Variants in PROM2 observed in about 807,000 individuals in gnomAD.
PROM2 encodes prominin 2.
In PROM2, 90 loss-of-function variants were observed where a neutral mutation model predicts 110.2. That is an observed-to-expected ratio of 0.82 (90% confidence interval 0.69 to 0.97). The LOEUF is 0.97. Ranked by LOEUF, PROM2 falls within the 50% of genes least tolerant of loss-of-function variation. PROM2 has a pLI of 0.00. For missense variants in PROM2, 1,009 were observed against 1,074.8 expected (o/e 0.94, Z 0.86); for synonymous variants, 470 against 467.8 (o/e 1.00, Z -0.06).
rs1677401943 is a variant in PROM2, at chr2:95,287,007, G to T, written c.2095-126G>T. The T allele has an allele frequency of 1.3e-5, 16 of 1,251,402 alleles. 1 individual carries two copies. The South Asian group carries it at 1.9e-4, about 15-fold the overall frequency. The allele number at this position is 1,251,402 out of a possible 1,614,324, so 77.5% of individuals were successfully genotyped here. On this transcript the variant is annotated intron_variant, in intron 18 of 23. Coordinates refer to ENST00000317620, the MANE Select transcript of PROM2 (RefSeq NM_001165978.3). ...ATGGGGGTGGCAGCAGAGCCTGGGG[G>T]ATCACCACCCTTGGCTTGTCTGTTG...
Position 95,275,844 on chromosome 2 carries a change from C to A in PROM2, c.295-86C>A. 1.9e-6 allele frequency: 3 copies of A among 1,539,094 alleles called. No homozygotes were observed. Among genetic ancestry groups the A allele is most frequent in the Non-Finnish European group, 2.6e-6 (3 of 1,146,056 alleles). On this transcript the variant is annotated intron_variant, in intron 2 of 23. Transcript: ENST00000317620. The surrounding 1 kb of genome is among the most constrained non-coding windows in gnomAD (Gnocchi z 4.4). ...CCATGCCCCTGACGGCACTCCCGCC[C>A]CTTCTGGTTTCCCTCTGGACTCAGG... is the stretch of plus-strand genomic sequence containing the variant.
At position 95,275,082 on chromosome 2, in the gene PROM2, T is replaced by C. The variant is rs1573442391; in HGVS notation, c.244+253T>C. On this transcript the variant is annotated intron_variant, in intron 1 of 23. Coordinates refer to ENST00000317620, the MANE Select transcript of PROM2 (RefSeq NM_001165978.3). The surrounding 1 kb of genome is among the most constrained non-coding windows in gnomAD (Gnocchi z 4.4). ...ACATTGGAAATACATTAGACCTGAC[T>C]CAGACATCCTCTTAGTCTATCGGTG... 2.3e-5 allele frequency: 11 copies of C among 487,026 alleles called. No individual in the cohort carries two copies. The highest frequency in any genetic ancestry group is 5.1e-4 in the Middle Eastern group (1 of 1,948). 30.2% of individuals were successfully genotyped at this position (487,026 alleles called of 1,614,324 possible).
Position 95,281,918 on chromosome 2 carries a change from T to A in PROM2, c.1552-7T>A, listed in dbSNP as rs1558745702. 6.2e-7 allele frequency: 1 copy of A among 1,612,210 alleles called. No individual in the cohort carries two copies. Among genetic ancestry groups the A allele is most frequent in the Non-Finnish European group, 8.5e-7 (1 of 1,178,448 alleles). On this transcript the variant is annotated splice_polypyrimidine_tract_variant and splice_region_variant and intron_variant, in intron 12 of 23. Coordinates refer to ENST00000317620, the MANE Select transcript of PROM2 (RefSeq NM_001165978.3). Reference sequence around the variant, plus strand: ...TCTGTGCCCATTTCTCACTGCCCCATCCCCAGTTTGCAGACACCCCAGGGA... The same window carrying A: ...TCTGTGCCCATTTCTCACTGCCCCAACCCCAGTTTGCAGACACCCCAGGGA...
intron 14 of PROM2, 25 bp downstream of exon 14, chr2:95,282,251 G>A (rs1005476242): frequency 1.3e-6 from 2 of 1,581,942 alleles, no homozygotes; most frequent in Non-Finnish European, 1.7e-6. Context: ...TGGAAACTGT[G>A]AGGAGCCCTC....
chr2:95,277,725 C>T, intron 7 of PROM2, 159 bp downstream of exon 7: 1 of 811,110 alleles, frequency 1.2e-6, no homozygotes, highest in Non-Finnish European at 1.9e-6. Flanking sequence ...TGGAGTGCTC[C>T]CCAGGCCACG....
chr2:95,281,183 G>C, intron 11 of PROM2, 59 bp from the exon 12 acceptor site: 19 of 1,589,374 alleles, frequency 1.2e-5, no homozygotes, highest in Non-Finnish European at 1.6e-5. Context: ...TGGGACAGAG[G>C]GTATGGTCAG....
Position 95,287,452 on chromosome 2 carries a change from G to T in PROM2, c.2232G>T (p.Trp744Cys), listed in dbSNP as rs1024997779. The T allele has an allele frequency of 6.2e-7, 1 of 1,613,872 alleles. No homozygotes were observed. The highest frequency in any genetic ancestry group is 8.5e-7 in the Non-Finnish European group (1 of 1,180,004). ...EMGYFSQYVA[W>C]VREEVTQRIA... is the part of the protein sequence containing the mutation. ...GCTACTTCTCCCAGTACGTGGCCTG[G>T]GTGAGAGAGGAGGTGAGTGGGGCCT... Residue 744 changes from tryptophan to cysteine, a missense_variant, in exon 20 of 24, where the codon TGG becomes TGT. Physicochemically the swap from Trp to Cys is radical, Grantham distance 215. Transcript: ENST00000317620.
rs201776307 is a variant in PROM2, at chr2:95,275,501, G to A, written c.285G>A (p.Lys95=). 13 of 1,613,770 alleles carry A rather than the reference G, an allele frequency of 8.1e-6. No individual in the cohort carries two copies. The highest frequency in any genetic ancestry group is 1.1e-5 in the Non-Finnish European group (13 of 1,179,892). ...KALLNELASV[K]VNEVVRYEAG... is the part of the protein sequence containing the mutation. The stretch of plus-strand genomic sequence containing the variant: ...TACTGAATGAGCTGGCCTCCGTGAA[G>A]GTGAATGAGGTGAGCAAGCTGGGGA... The change falls in exon 2 of 24, where the codon AAG becomes AAA. Residue 95 remains lysine (K), a synonymous_variant. Coordinates refer to ENST00000317620, the MANE Select transcript of PROM2 (RefSeq NM_001165978.3). The surrounding 1 kb of genome is among the most constrained non-coding windows in gnomAD (Gnocchi z 4.4).
intron 10 of PROM2, among the ~76,000 whole-genome samples, chr2:95,279,528 C>T (rs1162292746): frequency 6.6e-6 from 1 of 152,146 alleles, no homozygotes. Flanking sequence ...ATCTCTTGAC[C>T]TTGTGATCCA....
At position 95,274,557 on chromosome 2, in the gene PROM2, G is replaced by C. The variant is rs369181633; in HGVS notation, c.-29G>C. ...GCCCTGGGCTTGTCTGTTCCCTCCT[G>C]AGCCTGAGCCCCTTACCTTCCTGAC... On this transcript the variant is annotated 5_prime_UTR_variant, in exon 1 of 24. Transcript: ENST00000317620. 3 of 1,541,358 alleles carry C rather than the reference G, an allele frequency of 1.9e-6. No homozygotes were observed. The highest frequency in any genetic ancestry group is 2.7e-5 in the African/African-American group (2 of 72,910).
At chr2:95,286,686 C>G in intron 17 of PROM2, 115 bp downstream of exon 17, 1 of 605,024 alleles carries the variant, frequency 1.7e-6, no homozygotes, top group East Asian at 3.1e-5. Flanking sequence ...CTCCCCTCCT[C>G]TCCCCTCCTC....
At chr2:95,285,293 A>G (rs1305304735) in intron 15 of PROM2, among the ~76,000 whole-genome samples, 178 bp downstream of exon 15, 8 of 152,006 alleles carry the variant, frequency 5.3e-5, no homozygotes, top group Non-Finnish European at 1.2e-4. Context: ...TCCTCCTGCC[A>G]CCACCCCGGT....
chr2:95,277,683 C>T (rs1676756955), intron 7 of PROM2, 117 bp downstream of exon 7: 1 of 1,097,940 alleles, frequency 9.1e-7, no homozygotes, highest in Non-Finnish European at 1.3e-6. Flanking sequence ...CTCCACCCAC[C>T]CAGGGTTAAT....
In PROM2 at chr2:95,276,188, T is replaced by A; in HGVS notation, c.498-39T>A. Reference sequence around the variant, plus strand: ...GGGCTGTGGCCCCCAGGCTCCCTCTTACCCAGCAAGCACCTTCCTCCTCCC... The same window carrying A: ...GGGCTGTGGCCCCCAGGCTCCCTCTAACCCAGCAAGCACCTTCCTCCTCCC... On this transcript the variant is annotated intron_variant, in intron 3 of 23. Coordinates refer to ENST00000317620, the MANE Select transcript of PROM2 (RefSeq NM_001165978.3). The surrounding 1 kb of genome is among the most constrained non-coding windows in gnomAD (Gnocchi z 4.6). 14 of 1,613,428 alleles carry A rather than the reference T, an allele frequency of 8.7e-6. No individual in the cohort carries two copies. The highest frequency in any genetic ancestry group is 1.1e-5 in the Non-Finnish European group (13 of 1,179,714).
rs2104573249 is a variant in PROM2, at chr2:95,276,930, A to T, written c.683-42A>T. The T allele has an allele frequency of 2.0e-6, 3 of 1,534,190 alleles. No homozygotes were observed. The highest frequency in any genetic ancestry group is 1.7e-4 in the Middle Eastern group (1 of 5,914). ...GGATGGGAATGGGGAGGGCCCCTCC[A>T]CTCTTGGGGTCCCACCCTGCAGACT... On this transcript the variant is annotated intron_variant, in intron 5 of 23. Coordinates refer to ENST00000317620, the MANE Select transcript of PROM2 (RefSeq NM_001165978.3). The surrounding 1 kb of genome is among the most constrained non-coding windows in gnomAD (Gnocchi z 4.6).
In PROM2 at chr2:95,277,942, G is replaced by T; in HGVS notation, c.988G>T (p.Asp330Tyr). 6.2e-7 allele frequency: 1 copy of T among 1,612,366 alleles called. No individual in the cohort carries two copies. The highest frequency in any genetic ancestry group is 8.5e-7 in the Non-Finnish European group (1 of 1,179,526). Reference sequence around the variant, plus strand: ...TCCCCCATTTCAGGTGCCCTCTGTGGACCATGTCCTGCACCAGCTAAAAGG... The same window carrying T: ...TCCCCCATTTCAGGTGCCCTCTGTGTACCATGTCCTGCACCAGCTAAAAGG... ...GADFSQVPSV[D>Y]HVLHQLKGVP... Residue 330 changes from aspartate (D) to tyrosine (Y), a missense_variant, in exon 8 of 24, where the codon GAC becomes TAC. By Grantham distance (160) the Asp-to-Tyr change is radical (BLOSUM62 -3). Transcript: ENST00000317620.
chr2:95,277,421 AG>A lies in PROM2; in HGVS notation c.832del (p.Ala278ProfsTer34). On this transcript the variant is annotated frameshift_variant, in exon 7 of 24. Coordinates refer to ENST00000317620, the MANE Select transcript of PROM2 (RefSeq NM_001165978.3). LOFTEE classifies it high-confidence loss of function. ...QTLNATVVEL[Q>X]AGQQDLEPAI... Reference sequence around the variant, plus strand: ...TTGAATGCTACAGTGGTAGAGCTGCAGGCCGGGCAGCAGGACCTGGAGCCAG... The same window carrying A: ...TTGAATGCTACAGTGGTAGAGCTGCAGCCGGGCAGCAGGACCTGGAGCCAG... 5 of 1,613,340 alleles carry A rather than the reference AG, an allele frequency of 3.1e-6. No homozygotes were observed. The highest frequency in any genetic ancestry group is 4.2e-6 in the Non-Finnish European group (5 of 1,179,882).
At chr2:95,278,485 C>T in intron 8 of PROM2, 3 of 600,364 alleles carry the variant, frequency 5.0e-6, no homozygotes, top group Non-Finnish European at 9.0e-6. Flanking sequence ...GCTGAGAGTT[C>T]ACTGCAATGG....
At chr2:95,289,060 G>A (rs1677551209) in intron 23 of PROM2, 54 bp downstream of exon 23, 2 of 1,407,098 alleles carry the variant, frequency 1.4e-6, no homozygotes, top group Non-Finnish European at 2.0e-6. Context: ...AAGGGAGTGG[G>A]GTGGGGAGGG....
Sources: allele counts gnomAD v4.1 joint callset (sites outside exome capture counted in the v4.1 genomes callset), GRCh38; gene constraint gnomAD v4.1.1; non-coding constraint Gnocchi (gnomAD v3.1); transcripts MANE v1.5; gene names NCBI Gene and HGNC (gene_info 2026-07-23, HGNC 2026-07-21).